The following UBE2G1 variants were observed in gnomAD, a reference collection of about 807,000 sequenced individuals.
UBE2G1 encodes ubiquitin conjugating enzyme E2 G1, also known as ubiquitin-conjugating enzyme E2 G1.
A neutral mutation model predicts 22.7 loss-of-function variants in UBE2G1; 5 were observed. That is an observed-to-expected ratio of 0.22 (90% CI 0.12 to 0.46). The LOEUF is 0.46. UBE2G1 is among the 20% of genes least tolerant of loss of function. The pLI is 0.99. For missense variants in UBE2G1, 88 were observed against 203.9 expected, an observed-to-expected ratio of 0.43 and a Z score of 3.46; for synonymous variants, 74 against 67.5, an observed-to-expected ratio of 1.10 and a Z score of -0.47.
At chr17:4,288,352 G>A (rs1046777368) in intron 4 of UBE2G1, among the ~76,000 whole-genome samples, 23 of 151,864 alleles carry the variant, frequency 1.5e-4, no homozygotes, top group South Asian at 1.0e-3. Flanking sequence ...TCAGCCTCCC[G>A]AGTAGCTGGG....
chr17:4,313,818 T>A (rs1969338276), intron 1 of UBE2G1, among the ~76,000 whole-genome samples: 1 of 152,170 alleles, frequency 6.6e-6, no homozygotes. Flanking sequence ...AAATGGGAGT[T>A]ATGCTTGCAT....
chr17:4,299,268 G>A (rs962657378), intron 2 of UBE2G1, among the ~76,000 whole-genome samples: 29 of 152,130 alleles, frequency 1.9e-4, no homozygotes, highest in African/African-American at 6.8e-4. Context: ...ACATGGTGGC[G>A]TGCACCTGTA....
intron 1 of UBE2G1, among the ~76,000 whole-genome samples, chr17:4,328,911 T>C (rs4790614): frequency 0.45 from 68,573 of 151,538 alleles, 18,691 homozygotes; most frequent in African/African-American, 0.78. Context: ...ATGGTGAAAC[T>C]CCGTCTCTAC....
chr17:4,279,622 A>C (rs1032030100), intron 5 of UBE2G1, among the ~76,000 whole-genome samples: 1 of 151,532 alleles, frequency 6.6e-6, no homozygotes, highest in Non-Finnish European at 1.5e-5. Context: ...AAAATTAAGA[A>C]CCTCAGGCCA....
intron 1 of UBE2G1, among the ~76,000 whole-genome samples, chr17:4,308,684 G>C (rs1969274865): frequency 6.6e-6 from 1 of 152,192 alleles, no homozygotes; most frequent in African/African-American, 2.4e-5. Flanking sequence ...GCTCAAATTG[G>C]AAAGTGTGGA....
At chr17:4,355,486 AC>A (rs1969895407) in intron 1 of UBE2G1, among the ~76,000 whole-genome samples, 1 of 148,802 alleles carries the variant, frequency 6.7e-6, no homozygotes, top group Admixed American at 6.7e-5. Context: ...TACTAAAAAT[AC>A]AAAAATTAGC....
At chr17:4,331,981 C>A (rs1192041202) in intron 1 of UBE2G1, 2 of 152,098 alleles carry the variant, frequency 1.3e-5, no homozygotes, top group Non-Finnish European at 2.9e-5. Flanking sequence ...TGGAGTTAAG[C>A]CCCCAGGAGA....
chr17:4,324,966 A>ACT (rs1567523725), intron 1 of UBE2G1, among the ~76,000 whole-genome samples: 1 of 151,974 alleles, frequency 6.6e-6, no homozygotes, highest in Non-Finnish European at 1.5e-5. Flanking sequence ...AGTCCCAGCT[A>ACT]CTCGGGAGGC....
intron 5 of UBE2G1, among the ~76,000 whole-genome samples, chr17:4,272,739 G>A (rs548594847): frequency 6.6e-6 from 1 of 152,236 alleles, no homozygotes; most frequent in South Asian, 2.1e-4. Flanking sequence ...TAGTTCCTGA[G>A]TCATGCTAAG....
intron 5 of UBE2G1, among the ~76,000 whole-genome samples, chr17:4,280,897 TGCTGGGATTACAGGTGTGAGCCACCGC>T (rs1968880775): frequency 6.6e-6 from 1 of 152,108 alleles, no homozygotes; most frequent in African/African-American, 2.4e-5. Context: ...CCTCCCAAAG[TGCTGGGATTACAGGTGTGAGCCACCGC>T]ACCTGGCCAC....
intron 5 of UBE2G1, among the ~76,000 whole-genome samples, chr17:4,276,229 C>T (rs981421644): frequency 3.3e-5 from 5 of 152,108 alleles, no homozygotes; most frequent in African/African-American, 4.8e-5. Context: ...TACCCTCTGT[C>T]GCCCAGGCTG....
intron 5 of UBE2G1, among the ~76,000 whole-genome samples, chr17:4,276,924 C>G (rs1011530767): frequency 6.6e-6 from 1 of 152,186 alleles, no homozygotes; most frequent in African/African-American, 2.4e-5. Flanking sequence ...GTTGACCAAG[C>G]CTTTGTACCA....
chr17:4,273,042 T>C (rs930626423), intron 5 of UBE2G1, among the ~76,000 whole-genome samples: 1 of 152,176 alleles, frequency 6.6e-6, no homozygotes, highest in Admixed American at 6.5e-5. Flanking sequence ...TCAAACCCAT[T>C]TTCTCCACAA....
At chr17:4,276,686 T>C (rs1968825473) in intron 5 of UBE2G1, among the ~76,000 whole-genome samples, 1 of 152,194 alleles carries the variant, frequency 6.6e-6, no homozygotes, top group Non-Finnish European at 1.5e-5. Context: ...CTTACTGTGC[T>C]GAGTTACGCA....
chr17:4,279,788 TATATATATATA>T (rs1968863490), intron 5 of UBE2G1, among the ~76,000 whole-genome samples: 3 of 113,232 alleles, frequency 2.6e-5, no homozygotes, highest in African/African-American at 1.7e-4. Context: ...AAAAAAGTTA[TATATATATATA>T]TATATATATA....
At chr17:4,313,316 T>C (rs1969332361) in intron 1 of UBE2G1, among the ~76,000 whole-genome samples, 1 of 152,126 alleles carries the variant, frequency 6.6e-6, no homozygotes. Context: ...GGAAAGAATA[T>C]TTGCAAAATA....
At chr17:4,303,877 AAAAT>A (rs974575735) in intron 2 of UBE2G1, among the ~76,000 whole-genome samples, 12 of 152,244 alleles carry the variant, frequency 7.9e-5, no homozygotes, top group African/African-American at 1.2e-4. Flanking sequence ...GCTTAAAAAC[AAAAT>A]AAATAAATAA....
intron 2 of UBE2G1, among the ~76,000 whole-genome samples, chr17:4,297,249 T>A (rs1045388333): frequency 6.6e-6 from 1 of 152,270 alleles, no homozygotes; most frequent in Non-Finnish European, 1.5e-5. Flanking sequence ...ACATTTTCTT[T>A]TTCCTTATCT....
chr17:4,304,093 G>C (rs1402629009), intron 2 of UBE2G1, among the ~76,000 whole-genome samples: 2 of 152,128 alleles, frequency 1.3e-5, no homozygotes, highest in Non-Finnish European at 2.9e-5. Context: ...GCGTAATCTT[G>C]GCTCACTGCA....
Sources: gnomAD v4.1 joint callset for allele counts (sites outside exome capture counted in the v4.1 genomes callset) on GRCh38, gnomAD v4.1.1 for gene constraint, MANE v1.5 for transcripts, NCBI Gene and HGNC (gene_info 2026-07-23, HGNC 2026-07-21) for gene names.